Variants in FANCD2 observed in about 807,000 individuals in gnomAD.
The protein encoded by FANCD2 is Fanconi anemia group D2 protein.
In FANCD2, 131 loss-of-function variants were observed where a neutral mutation model predicts 192.3. The ratio of observed to expected loss-of-function variants is 0.68; its 90% CI spans 0.59 to 0.79. FANCD2 has a LOEUF of 0.79. Ranked by LOEUF, FANCD2 falls within the 30% of genes least tolerant of loss-of-function variation. The probability of loss-of-function intolerance (pLI) is 0.00; values close to 1 mark genes in which losing one functional copy is unlikely to be tolerated. For synonymous variants in FANCD2, 524 were observed against 612.5 expected (o/e 0.86, Z 2.13); for missense variants, 1,508 against 1,701.6 (o/e 0.89, Z 2.00).
chr3:10,046,055 C>CTTTTTTTTTTTTTTTTT (rs57661428), intron 14 of FANCD2, among the ~76,000 whole-genome samples: 4 of 124,422 alleles, frequency 3.2e-5, no homozygotes, highest in Non-Finnish European at 5.0e-5. Flanking sequence ...GCTCTGTATT[C>CTTTTTTTTTTTTTTTTT]TTTTTTTTTT....
chr3:10,045,694 C>T (rs9819824), intron 14 of FANCD2: 19,630 of 150,654 alleles, frequency 0.13, 2,096 homozygotes, highest in African/African-American at 0.3. Flanking sequence ...CTCTGTCACC[C>T]GGGTTCAAGC....
chr3:10,029,685 G>A (rs956242299), intron 2 of FANCD2, among the ~76,000 whole-genome samples: 2 of 152,158 alleles, frequency 1.3e-5, no homozygotes, highest in African/African-American at 2.4e-5. Context: ...CCTGTCACCC[G>A]AAAAGTGTAT....
chr3:10,036,259 T>C, intron 6 of FANCD2, 28 bp from the exon 7 acceptor site: 10 of 1,582,494 alleles, frequency 6.3e-6, no homozygotes, highest in Non-Finnish European at 8.7e-6. Flanking sequence ...TGAGATCATC[T>C]CCTAACTCCC....
rs371097813 is a variant in FANCD2, at chr3:10,092,121, A to C, written c.3778-60A>C. ...ATTCAAGAACTATATCTTAGTGGGAATACAGTAAGGGAAGTATTTGGCTGT... is the reference window on the plus strand; with the variant it reads ...ATTCAAGAACTATATCTTAGTGGGACTACAGTAAGGGAAGTATTTGGCTGT... On this transcript the variant is annotated intron_variant, in intron 37 of 43. Coordinates refer to ENST00000675286, the MANE Select transcript of FANCD2 (RefSeq NM_001018115.3). 4.7e-4 allele frequency: 524 copies of C among 1,119,210 alleles called. 1 individual carries two copies. Among genetic ancestry groups the C allele is most frequent in the Non-Finnish European group, 6.6e-4 (478 of 728,412 alleles). 69.3% of individuals were successfully genotyped at this position (1,119,210 alleles called of 1,614,324 possible). A position where few individuals can be genotyped will look rare whatever the true frequency, so the allele number is the denominator to read the frequency against.
At chr3:10,058,586 A>T (rs1179280694) in intron 18 of FANCD2, among the ~76,000 whole-genome samples, 6 of 152,136 alleles carry the variant, frequency 3.9e-5, no homozygotes, top group Non-Finnish European at 5.9e-5. Context: ...TCCAGTGCCA[A>T]TTTGTTGAGA....
chr3:10,094,933 G>A (rs1694862814), intron 40 of FANCD2: 2 of 490,820 alleles, frequency 4.1e-6, no homozygotes, highest in African/African-American at 3.9e-5. Context: ...TAATGTTGCA[G>A]ATGGGAAAAC....
chr3:10,040,549 A>C (rs1490350541), intron 9 of FANCD2: 1 of 456,536 alleles, frequency 2.2e-6, no homozygotes, highest in Admixed American at 2.3e-5. Context: ...GATTCATTCT[A>C]ATGCACAGTC....
At chr3:10,048,965 A>G (rs1379120024) in intron 16 of FANCD2, among the ~76,000 whole-genome samples, 1 of 152,144 alleles carries the variant, frequency 6.6e-6, no homozygotes, top group East Asian at 1.9e-4. Context: ...GGAAACATGC[A>G]AGTCTAGCCT....
chr3:10,085,289 A>G (rs993364903), intron 32 of FANCD2, among the ~76,000 whole-genome samples: 1 of 152,214 alleles, frequency 6.6e-6, no homozygotes, highest in Admixed American at 6.5e-5. Flanking sequence ...AGACTTCAGG[A>G]AAGATTACTT....
At chr3:10,060,258 C>G in intron 18 of FANCD2, 36 bp from the exon 19 acceptor site, 1 of 1,450,774 alleles carries the variant, frequency 6.9e-7, no homozygotes, top group South Asian at 1.1e-5. Context: ...CTGTGCCATT[C>G]CAGCATTTTC....
intron 32 of FANCD2, 70 bp downstream of exon 32, chr3:10,081,534 G>A: frequency 9.6e-6 from 10 of 1,046,492 alleles, no homozygotes; most frequent in Middle Eastern, 2.0e-4. Context: ...CCAAGGCACT[G>A]AAATGTAGAA....
At position 10,035,168 on chromosome 3, in the gene FANCD2, T is replaced by C; in HGVS notation, c.378-5T>C. ...GTGGAAAACAGATTTCTTTTTTTTT[T>C]ACAGTATGGGTGCATCTTATTCTAA... is the stretch of plus-strand genomic sequence containing the variant. On this transcript the variant is annotated splice_region_variant and splice_polypyrimidine_tract_variant and intron_variant, in intron 5 of 43. Transcript: ENST00000675286. 2.5e-6 allele frequency: 4 copies of C among 1,598,248 alleles called. No individual in the cohort carries two copies. Among genetic ancestry groups the C allele is most frequent in the Non-Finnish European group, 3.4e-6 (4 of 1,168,246 alleles).
chr3:10,098,630 C>T (rs1207300979), intron 42 of FANCD2, 90 bp from the exon 43 acceptor site: 2 of 1,497,984 alleles, frequency 1.3e-6, no homozygotes, highest in Admixed American at 2.0e-5. Context: ...AAATATCTTC[C>T]TTTGTATTGC....
At chr3:10,070,570 C>T (rs1282750173) in intron 26 of FANCD2, among the ~76,000 whole-genome samples, 5 of 145,880 alleles carry the variant, frequency 3.4e-5, no homozygotes, top group East Asian at 2.0e-4. Flanking sequence ...TCTGCCCGGC[C>T]GCCCCTACTG....
Position 10,101,195 on chromosome 3 carries a change from A to G in FANCD2, c.4289A>G (p.Glu1430Gly), listed in dbSNP as rs767416501. Residue 1430 changes from glutamate to glycine, a missense_variant, in exon 44 of 44, where the codon GAA becomes GGA. Coordinates refer to ENST00000675286, the MANE Select transcript of FANCD2 (RefSeq NM_001018115.3). ...TTATTCTTTGCCCCTTAGGATGGTGAAGAAGACGAAGTAAGTGCTGGAGAA... is the reference window on the plus strand; with the variant it reads ...TTATTCTTTGCCCCTTAGGATGGTGGAGAAGACGAAGTAAGTGCTGGAGAA... ...ASKSKATEDG[E>G]EDEVSAGEKE... 3 of 1,612,664 alleles carry G rather than the reference A, an allele frequency of 1.9e-6. No homozygotes were observed. The highest frequency in any genetic ancestry group is 2.5e-6 in the Non-Finnish European group (3 of 1,178,776).
At chr3:10,079,450 C>T (rs776717633) in intron 30 of FANCD2, among the ~76,000 whole-genome samples, 13 of 151,668 alleles carry the variant, frequency 8.6e-5, no homozygotes, top group Admixed American at 1.3e-4. Context: ...GGACTACAGG[C>T]GCGCGCCACC....
intron 11 of FANCD2, among the ~76,000 whole-genome samples, 155 bp from the exon 12 acceptor site, chr3:10,042,895 C>T (rs2086900163): frequency 6.6e-6 from 1 of 152,178 alleles, no homozygotes; most frequent in Admixed American, 6.5e-5. Flanking sequence ...TATGACATTG[C>T]ATTGGCTATT....
Position 10,061,779 on chromosome 3 carries a change from C to G in FANCD2, c.1767-372C>G, listed in dbSNP as rs537700280. On this transcript the variant is annotated intron_variant, in intron 19 of 43. Transcript: ENST00000675286. ...AAATACTCTTCGCTGCCTTCATGCA[C>G]TTTTATCTTTACCCTACCCTAGGGA... Among the ~76,000 whole-genome samples the G allele has an allele frequency of 3.7e-4, 57 of 152,252 alleles. 1 individual carries two copies. In the South Asian group the frequency reaches 0.011, roughly 30 times the overall value.
intron 41 of FANCD2, among the ~76,000 whole-genome samples, chr3:10,095,641 T>A (rs2125093518): frequency 6.6e-6 from 1 of 152,322 alleles, no homozygotes; most frequent in South Asian, 2.1e-4. Context: ...CTGTAGAGGC[T>A]TTCATCTGTG....
Sources: gnomAD v4.1 joint callset for allele counts (sites outside exome capture counted in the v4.1 genomes callset) on GRCh38, gnomAD v4.1.1 for gene constraint, MANE v1.5 for transcripts, NCBI Gene and HGNC (gene_info 2026-07-23, HGNC 2026-07-21) for gene names.